Variants in ARHGAP42 observed in about 807,000 individuals in gnomAD.
The protein encoded by ARHGAP42 is Rho GTPase activating protein 42, also known as rho GTPase-activating protein 42.
Under a neutral mutation model 125.0 loss-of-function variants are expected in ARHGAP42, and 63 were observed. That is an observed-to-expected ratio of 0.50 (90% CI 0.41 to 0.62). The LOEUF is 0.62. Ranked by LOEUF, ARHGAP42 falls within the 20% of genes least tolerant of loss-of-function variation. ARHGAP42 has a pLI of 0.00. For synonymous variants in ARHGAP42, 339 were observed against 351.0 expected, an observed-to-expected ratio of 0.97 and a Z score of 0.38; for missense variants, 766 against 1,024.2, an observed-to-expected ratio of 0.75 and a Z score of 3.44.
chr11:100,938,052 T>C (rs1023967950), intron 8 of ARHGAP42, among the ~76,000 whole-genome samples: 4 of 90,646 alleles, frequency 4.4e-5, no homozygotes, highest in Non-Finnish European at 9.5e-5. Flanking sequence ...ACCTCTTCTC[T>C]GATTTTTTTT....
intron 3 of ARHGAP42, among the ~76,000 whole-genome samples, chr11:100,819,006 G>C (rs1864342044): frequency 6.6e-6 from 1 of 152,082 alleles, no homozygotes; most frequent in Non-Finnish European, 1.5e-5. Context: ...AAAGACCTTA[G>C]AAACCAGGCT....
At chr11:100,798,428 A>G (rs939866036) in intron 3 of ARHGAP42, among the ~76,000 whole-genome samples, 1 of 152,206 alleles carries the variant, frequency 6.6e-6, no homozygotes, top group African/African-American at 2.4e-5. Context: ...CTGATCAGTT[A>G]ACAGTCATCA....
rs1865561794 is a variant in ARHGAP42 at position 100,866,061 on chromosome 11, C to T, written c.384+6436C>T. ...CAATTCCCTCAAACACTGCTTCTGC[C>T]TTATCACGTAAGTATATGGAATATT... is the stretch of plus-strand genomic sequence containing the variant. On this transcript the variant is annotated intron_variant, in intron 4 of 23. Transcript: ENST00000298815. Among the ~76,000 whole-genome samples the T allele has an allele frequency of 2.6e-5, 4 of 152,170 alleles. No individual in the cohort carries two copies. The South Asian group carries it at 8.3e-4, about 32-fold the overall frequency.
intron 2 of ARHGAP42, among the ~76,000 whole-genome samples, chr11:100,774,151 A>G (rs1863052210): frequency 1.3e-5 from 2 of 152,196 alleles, no homozygotes; most frequent in Non-Finnish European, 2.9e-5. Context: ...ATAAAGAAGT[A>G]GTAGGAGGAG....
At chr11:100,708,531 AAAAC>A (rs1035391386) in intron 1 of ARHGAP42, among the ~76,000 whole-genome samples, 7 of 152,072 alleles carry the variant, frequency 4.6e-5, no homozygotes, top group African/African-American at 1.7e-4. Flanking sequence ...AACAAAACAA[AAAAC>A]AAACAAAAAA....
rs1460496789 is a variant in ARHGAP42 at position 100,716,209 on chromosome 11, G to C, written c.154+28377G>C. Among the ~76,000 whole-genome samples the C allele has an allele frequency of 2.6e-5, 4 of 152,124 alleles. No individual in the cohort carries two copies. In the East Asian group the frequency reaches 7.7e-4, roughly 29 times the overall value. On this transcript the variant is annotated intron_variant, in intron 1 of 23. Transcript: ENST00000298815. ...CTATATTTGATTCACTGTGGTTTCT[G>C]CCCCTTGAATTGTGCTGGGTCCTTG... is the stretch of plus-strand genomic sequence containing the variant.
Position 100,754,422 on chromosome 11 carries a change from A to G in ARHGAP42, c.155-15921A>G, listed in dbSNP as rs184459653. 9.2e-5 allele frequency among the ~76,000 whole-genome samples: 14 copies of G among 152,338 alleles called. No homozygotes were observed. In the East Asian group the frequency reaches 2.5e-3, roughly 27 times the overall value. On this transcript the variant is annotated intron_variant, in intron 1 of 23. Coordinates refer to ENST00000298815, the MANE Select transcript of ARHGAP42 (RefSeq NM_152432.4). Reference sequence around the variant, plus strand: ...CTTACTTTATGATTCTCAGAAACCAACTGGTACTTTAAGGAACCTTGCGTT... The same window carrying G: ...CTTACTTTATGATTCTCAGAAACCAGCTGGTACTTTAAGGAACCTTGCGTT...
intron 4 of ARHGAP42, among the ~76,000 whole-genome samples, chr11:100,883,911 A>G (rs915821562): frequency 2.0e-5 from 3 of 152,190 alleles, no homozygotes; most frequent in Non-Finnish European, 4.4e-5. Flanking sequence ...AGAAGTTGGT[A>G]TCCAGGACAG....
At chr11:100,791,910 A>C (rs1006265051) in intron 2 of ARHGAP42, among the ~76,000 whole-genome samples, 1 of 152,242 alleles carries the variant, frequency 6.6e-6, no homozygotes, top group Non-Finnish European at 1.5e-5. Context: ...AGTAAAATAG[A>C]AAACAGTATC....
At chr11:100,688,771 C>A (rs1312192220) in intron 1 of ARHGAP42, among the ~76,000 whole-genome samples, 2 of 152,094 alleles carry the variant, frequency 1.3e-5, no homozygotes, top group Admixed American at 1.3e-4. Flanking sequence ...TTCAAAGGAG[C>A]CTGTGAAAAG....
At position 100,724,056 on chromosome 11, in the gene ARHGAP42, C is replaced by A. The variant is rs191286677; in HGVS notation, c.154+36224C>A. ...AACTTGTATATATTTATCTCAAATG[C>A]TCTTTCTGCATTTATTGATATGATC... On this transcript the variant is annotated intron_variant, in intron 1 of 23. Coordinates refer to ENST00000298815, the MANE Select transcript of ARHGAP42 (RefSeq NM_152432.4). Among the ~76,000 whole-genome samples the A allele has an allele frequency of 1.9e-3, 295 of 152,132 alleles. 1 individual carries two copies. Among genetic ancestry groups the A allele is most frequent in the African/African-American group, 6.1e-3 (255 of 41,510 alleles).
chr11:100,895,224 T>C (rs763967444), intron 4 of ARHGAP42, among the ~76,000 whole-genome samples: 1 of 148,242 alleles, frequency 6.7e-6, no homozygotes, highest in Non-Finnish European at 1.5e-5. Flanking sequence ...CTAAACATCA[T>C]TCATTCATTC....
At chr11:100,751,279 G>GTTTTTT (rs71465331) in intron 1 of ARHGAP42, among the ~76,000 whole-genome samples, 7 of 93,472 alleles carry the variant, frequency 7.5e-5, no homozygotes, top group Non-Finnish European at 1.0e-4. Flanking sequence ...GTGTGTGTGT[G>GTTTTTT]TTTTTTTTTT....
At chr11:100,706,616 GC>G in intron 1 of ARHGAP42, among the ~76,000 whole-genome samples, 1 of 152,264 alleles carries the variant, frequency 6.6e-6, no homozygotes, top group East Asian at 1.9e-4. Context: ...AAGGGATATT[GC>G]TAAAATGTAC....
Position 100,965,660 on chromosome 11 carries a change from T to C in ARHGAP42, c.1445-11T>C. On this transcript the variant is annotated splice_polypyrimidine_tract_variant and intron_variant, in intron 16 of 23. Coordinates refer to ENST00000298815, the MANE Select transcript of ARHGAP42 (RefSeq NM_152432.4). ...AAAACTTGAGCATTTGCAATCTTTT[T>C]TATGTAACAGAATCTGATGATCAAA... The C allele has an allele frequency of 6.5e-7, 1 of 1,548,066 alleles. No homozygotes were observed. The highest frequency in any genetic ancestry group is 1.2e-5 in the South Asian group (1 of 83,872).
intron 3 of ARHGAP42, among the ~76,000 whole-genome samples, chr11:100,809,453 A>T (rs1036459202): frequency 6.6e-6 from 1 of 152,368 alleles, no homozygotes; most frequent in African/African-American, 2.4e-5. Flanking sequence ...TAATATGGCA[A>T]TGACCTTGAG....
chr11:100,723,377 C>A (rs1861799343), intron 1 of ARHGAP42, among the ~76,000 whole-genome samples: 1 of 152,208 alleles, frequency 6.6e-6, no homozygotes, highest in Non-Finnish European at 1.5e-5. Context: ...GAAGAACTGA[C>A]ACCTTGACAA....
intron 3 of ARHGAP42, among the ~76,000 whole-genome samples, chr11:100,811,612 G>T (rs1293323385): frequency 6.6e-6 from 1 of 151,308 alleles, no homozygotes; most frequent in Admixed American, 6.6e-5. Context: ...TGATTCTTCT[G>T]CCTTAGCCTC....
At chr11:100,708,900 A>G (rs1861518651) in intron 1 of ARHGAP42, among the ~76,000 whole-genome samples, 1 of 152,230 alleles carries the variant, frequency 6.6e-6, no homozygotes, top group African/African-American at 2.4e-5. Context: ...AGAGATTAAC[A>G]ACAATAATCA....
Sources: gnomAD v4.1 joint callset for allele counts (sites outside exome capture counted in the v4.1 genomes callset) on GRCh38, gnomAD v4.1.1 for gene constraint, MANE v1.5 for transcripts, NCBI Gene and HGNC (gene_info 2026-07-23, HGNC 2026-07-21) for gene names.